PTK2B: variants seen among roughly 807,000 people sequenced by gnomAD.
The protein encoded by PTK2B is protein-tyrosine kinase 2-beta.
A neutral mutation model predicts 142.9 loss-of-function variants in PTK2B; 71 were observed. That is an observed-to-expected ratio of 0.50 (90% CI 0.41 to 0.61). The LOEUF (loss-of-function observed/expected upper bound fraction) is 0.61, where lower values mean the gene tolerates loss of function less well. Ranked by LOEUF, PTK2B falls within the 20% of genes least tolerant of loss-of-function variation. The pLI, the probability that PTK2B is intolerant of heterozygous loss-of-function variation, is 0.00. For synonymous variants in PTK2B, 519 were observed against 503.4 expected (o/e 1.03, Z -0.42); for missense variants, 1,105 against 1,320.4 (o/e 0.84, Z 2.53).
chr8:27,346,016 C>G (rs1378220795), intron 1 of PTK2B, among the ~76,000 whole-genome samples: 1 of 152,170 alleles, frequency 6.6e-6, no homozygotes, highest in African/African-American at 2.4e-5. Context: ...TCATGTCTCA[C>G]CCCTCTGCCA....
rs572909496 is a variant in PTK2B at position 27,400,798 on chromosome 8, G to A, written c.204+3010G>A. On this transcript the variant is annotated intron_variant, in intron 2 of 30. Transcript: ENST00000346049. Reference sequence around the variant, plus strand: ...TTATGAAACACCCCCACGGAGGAGCGTGGGTCTGGAGCTCAGGAGGGAGAA... The same window carrying A: ...TTATGAAACACCCCCACGGAGGAGCATGGGTCTGGAGCTCAGGAGGGAGAA... 6.6e-5 allele frequency among the ~76,000 whole-genome samples: 10 copies of A among 152,322 alleles called. No homozygotes were observed. In the South Asian group the frequency reaches 1.7e-3, roughly 25 times the overall value.
intron 1 of PTK2B, among the ~76,000 whole-genome samples, chr8:27,347,932 G>A (rs1017290060): frequency 6.6e-6 from 1 of 152,164 alleles, no homozygotes; most frequent in South Asian, 2.1e-4. Flanking sequence ...TGCCAAGCAG[G>A]TGTCCAGTCT....
chr8:27,334,788 C>T (rs978828646), intron 1 of PTK2B, among the ~76,000 whole-genome samples: 2 of 152,184 alleles, frequency 1.3e-5, no homozygotes, highest in African/African-American at 4.8e-5. Flanking sequence ...ATAGGGGCCA[C>T]ATCCCGAGTC....
chr8:27,454,095 G>A, intron 28 of PTK2B, 59 bp from the exon 29 acceptor site: 2 of 1,605,842 alleles, frequency 1.2e-6, no homozygotes, highest in Non-Finnish European at 1.7e-6. Context: ...GCCCAGGAAA[G>A]AATCATTCCG....
chr8:27,448,289 T>C (rs922527967), intron 24 of PTK2B, among the ~76,000 whole-genome samples: 2 of 152,238 alleles, frequency 1.3e-5, no homozygotes, highest in African/African-American at 4.8e-5. Flanking sequence ...CATAGCCAGA[T>C]TATGGAAGGT....
intron 1 of PTK2B, among the ~76,000 whole-genome samples, chr8:27,348,041 G>A (rs1586131580): frequency 6.6e-6 from 1 of 152,286 alleles, no homozygotes; most frequent in East Asian, 1.9e-4. Context: ...ACCTGGAGAG[G>A]CCTCACGTTT....
rs572090714 is a variant in PTK2B at position 27,334,818 on chromosome 8, G to A, written c.-38+9137G>A. Among the ~76,000 whole-genome samples, 8 of 152,280 alleles carry A rather than the reference G, an allele frequency of 5.3e-5. No individual in the cohort carries two copies. In the East Asian group the frequency reaches 1.5e-3, roughly 29 times the overall value. On this transcript the variant is annotated intron_variant, in intron 1 of 30. Coordinates refer to ENST00000346049, the MANE Select transcript of PTK2B (RefSeq NM_173176.3). ...CGAGTCTCTTGAATTCTTGCCCTGT[G>A]GTTAGGATGCCCTTCTTGCCTGTCC...
chr8:27,420,543 G>T lies in PTK2B; in HGVS notation c.384-114G>T, dbSNP rs546401599. ...TGAATGAGTGGCCACGAGACTCATG[G>T]GCAGCCCTTCCCTTTGCACTAGGGG... On this transcript the variant is annotated intron_variant, in intron 3 of 30. Coordinates refer to ENST00000346049, the MANE Select transcript of PTK2B (RefSeq NM_173176.3). 5.1e-6 allele frequency: 5 copies of T among 982,576 alleles called. No individual in the cohort carries two copies. The South Asian group carries it at 6.9e-5, about 13-fold the overall frequency. The allele number at this position is 982,576 out of a possible 1,614,324, so 60.9% of individuals were successfully genotyped here.
chr8:27,434,154 G>A (rs967595494), intron 12 of PTK2B, 22 bp downstream of exon 12: 1 of 1,612,476 alleles, frequency 6.2e-7, no homozygotes, highest in African/African-American at 1.3e-5. Flanking sequence ...GGGGTGCAGA[G>A]GACAGGGCCC....
At chr8:27,310,848 G>A, upstream of PTK2B, 1 of 1,609,892 alleles carries the variant, frequency 6.2e-7, no homozygotes, top group Non-Finnish European at 8.5e-7. Flanking sequence ...CGGTGCCCCT[G>A]GTGTCGGGGG....
At chr8:27,423,290 C>A (rs1809874437) in intron 5 of PTK2B, among the ~76,000 whole-genome samples, 1 of 152,176 alleles carries the variant, frequency 6.6e-6, no homozygotes, top group Non-Finnish European at 1.5e-5. Context: ...TTGACCAGGG[C>A]AGCACCATTG....
In PTK2B at chr8:27,397,612, C is replaced by T. The variant is rs1474015950; in HGVS notation, c.28C>T (p.Arg10Ter). Residue 10 changes from arginine (R) to a stop codon, truncating the protein, a stop_gained, in exon 2 of 31, where the codon CGA becomes TGA. Coordinates refer to ENST00000346049, the MANE Select transcript of PTK2B (RefSeq NM_173176.3). LOFTEE classifies it high-confidence loss of function. ...GTCTGGGGTGTCCGAGCCCCTGAGT[C>T]GAGTAAAGTTGGGCACGTTACGCCG... MSGVSEPLSRVKLGTLRRPE... is the reference protein window; with the variant it reads MSGVSEPLS The T allele has an allele frequency of 5.0e-6, 8 of 1,614,000 alleles. No individual in the cohort carries two copies. The highest frequency in any genetic ancestry group is 5.9e-6 in the Non-Finnish European group (7 of 1,180,018).
intron 1 of PTK2B, among the ~76,000 whole-genome samples, chr8:27,326,226 ATG>A (rs4054914): frequency 0.35 from 50,945 of 146,366 alleles, 9,662 homozygotes; most frequent in South Asian, 0.45. Context: ...GCTCGTGTGT[ATG>A]TGTGTGTGTG....
At chr8:27,416,261 A>G (rs1809397153) in intron 2 of PTK2B, among the ~76,000 whole-genome samples, 1 of 151,874 alleles carries the variant, frequency 6.6e-6, no homozygotes, top group Non-Finnish European at 1.5e-5. Flanking sequence ...ACTTAACCCT[A>G]TTTGACTTCA....
intron 1 of PTK2B, among the ~76,000 whole-genome samples, chr8:27,370,866 G>A (rs1164768825): frequency 6.6e-6 from 1 of 152,022 alleles, no homozygotes; most frequent in Non-Finnish European, 1.5e-5. Context: ...TATTTTTAAA[G>A]AGAAAACTGT....
intron 27 of PTK2B, chr8:27,451,827 G>A: frequency 8.6e-7 from 1 of 1,168,204 alleles, no homozygotes; most frequent in Non-Finnish European, 1.1e-6. Flanking sequence ...TCTGTTGGAA[G>A]CTCCCGTGGG....
At chr8:27,457,998 AG>A (rs1554512410) in intron 30 of PTK2B, among the ~76,000 whole-genome samples, 1,401 of 54,524 alleles carry the variant, frequency 0.026, 41 homozygotes, top group African/African-American at 0.086. Context: ...AAAAAAAAAA[AG>A]ATCAGATTCG....
chr8:27,433,243 G>T (rs1012123963), intron 10 of PTK2B, 192 bp from the exon 11 acceptor site: 1 of 571,478 alleles, frequency 1.7e-6, no homozygotes, highest in Non-Finnish European at 3.1e-6. Flanking sequence ...CCTTTGGAGA[G>T]CATGGGCGTA....
intron 1 of PTK2B, among the ~76,000 whole-genome samples, chr8:27,355,790 G>A (rs958472550): frequency 6.6e-5 from 10 of 152,150 alleles, no homozygotes; most frequent in African/African-American, 1.9e-4. Flanking sequence ...TTGGGAGGCC[G>A]AGGCCAGTGA....
Sources: allele counts gnomAD v4.1 joint callset (sites outside exome capture counted in the v4.1 genomes callset), GRCh38; gene constraint gnomAD v4.1.1; transcripts MANE v1.5; gene names NCBI Gene and HGNC (gene_info 2026-07-23, HGNC 2026-07-21).